Variants in ANKRD24 observed in about 807,000 individuals in gnomAD.
The protein encoded by ANKRD24 is ankyrin repeat domain-containing protein 24.
Under a neutral mutation model 127.8 loss-of-function variants are expected in ANKRD24, and 109 were observed. The ratio of observed to expected loss-of-function variants is 0.85; its 90% CI spans 0.73 to 1.00. ANKRD24 has a LOEUF of 1.00. ANKRD24 is among the 50% of genes least tolerant of loss of function. The pLI is 0.00. For missense variants in ANKRD24, 1,648 were observed against 1,570.2 expected (o/e 1.05, Z -0.84); for synonymous variants, 743 against 671.1 (o/e 1.11, Z -1.66).
In ANKRD24 at chr19:4,217,280, G is replaced by A. The variant is rs1453267466; in HGVS notation, c.2120G>A (p.Gly707Asp). The change falls in exon 18 of 22, where the codon GGC (glycine) becomes GAC (aspartate). Residue 707 changes from glycine (G) to aspartate (D), a missense_variant. Gly to Asp is a moderately conservative substitution (Grantham distance 94, BLOSUM62 -1). Transcript: ENST00000318934. ...VEATVPGISA[G>D]PILHPGAAEA... ...GCCACGGTCCCGGGGATCTCTGCTG[G>A]CCCCATCCTACATCCTGGTGCCGCA... 5 of 1,559,904 alleles carry A rather than the reference G, an allele frequency of 3.2e-6. No homozygotes were observed.
chr19:4,204,942 T>A (rs1055404364), intron 7 of ANKRD24, among the ~76,000 whole-genome samples: 7 of 151,912 alleles, frequency 4.6e-5, no homozygotes, highest in East Asian at 1.9e-4. Context: ...TCTCTACTAA[T>A]AATAAAAAAT....
chr19:4,195,175 C>T lies in ANKRD24; in HGVS notation c.37-4508C>T, dbSNP rs552034099. Among the ~76,000 whole-genome samples the T allele has an allele frequency of 9.4e-4, 142 of 151,684 alleles. No individual in the cohort carries two copies. The highest frequency in any genetic ancestry group is 6.8e-3 in the Middle Eastern group (2 of 294). The stretch of plus-strand genomic sequence containing the variant: ...GCAAGCTCCGCCTCCCGGGTGCACG[C>T]CATTCTCCTGCCTCAGTCTCCCGAG... On this transcript the variant is annotated intron_variant, in intron 2 of 21. Coordinates refer to ENST00000318934, the MANE Select transcript of ANKRD24 (RefSeq NM_001393985.1). The surrounding 1 kb of genome is among the most constrained non-coding windows in gnomAD (Gnocchi z 4.2).
rs1037414469 is a variant in ANKRD24 at position 4,208,931 on chromosome 19, C to T, written c.870+130C>T. 1.7e-5 allele frequency: 17 copies of T among 1,003,090 alleles called. 1 individual carries two copies. The South Asian group carries it at 2.7e-4, about 16-fold the overall frequency. The allele number at this position is 1,003,090 out of a possible 1,614,324, so 62.1% of individuals were successfully genotyped here. Reference sequence around the variant, plus strand: ...ACCTGTTTGGAAAGAATGCTACCTTCAGGGTATGCTGCCACCAAGTGGCGG... The same window carrying T: ...ACCTGTTTGGAAAGAATGCTACCTTTAGGGTATGCTGCCACCAAGTGGCGG... On this transcript the variant is annotated intron_variant, in intron 11 of 21. Coordinates refer to ENST00000318934, the MANE Select transcript of ANKRD24 (RefSeq NM_001393985.1).
chr19:4,193,297 C>CA (rs71166975), intron 2 of ANKRD24, among the ~76,000 whole-genome samples: 21,029 of 90,572 alleles, frequency 0.23, 3,000 homozygotes, highest in East Asian at 0.39. Context: ...GCGACTCCAT[C>CA]AAAAAAAAAA....
chr19:4,184,782 T>C (rs892252522), intron 1 of ANKRD24, among the ~76,000 whole-genome samples: 2 of 151,824 alleles, frequency 1.3e-5, no homozygotes, highest in African/African-American at 4.8e-5. Flanking sequence ...GATGGGTGGG[T>C]GGATGGATGG....
intron 2 of ANKRD24, among the ~76,000 whole-genome samples, chr19:4,187,417 A>G (rs1400939907): frequency 6.6e-6 from 1 of 151,178 alleles, no homozygotes; most frequent in Non-Finnish European, 1.5e-5. Flanking sequence ...CATCTCAAAA[A>G]AGAAAAAAAA....
chr19:4,198,544 G>A lies in ANKRD24; in HGVS notation c.37-1139G>A. The A allele has an allele frequency of 1.8e-6, 1 of 569,698 alleles. No homozygotes were observed. The allele number at this position is 569,698 out of a possible 1,614,324, so 35.3% of individuals were successfully genotyped here. A position where few individuals can be genotyped will look rare whatever the true frequency, so the allele number is the denominator to read the frequency against. ...CCGCCTCCTTCGCGGTAGGGCCCGG[G>A]GAGGGGGCGCAGGAGCGGGCGGGGC... On this transcript the variant is annotated intron_variant, in intron 2 of 21. Coordinates refer to ENST00000318934, the MANE Select transcript of ANKRD24 (RefSeq NM_001393985.1). This position sits in a 1 kb window ranked among gnomAD's most constrained non-coding sequence, Gnocchi z 6.1.
chr19:4,197,606 TGAAA>T (rs749239174), intron 2 of ANKRD24, among the ~76,000 whole-genome samples: 13 of 151,910 alleles, frequency 8.6e-5, no homozygotes, highest in African/African-American at 2.4e-4. Flanking sequence ...AATGAATGAA[TGAAA>T]GAGTGAGCAA....
At chr19:4,203,008 A>C in intron 7 of ANKRD24, 82 bp downstream of exon 7, 6 of 1,174,210 alleles carry the variant, frequency 5.1e-6, no homozygotes, top group Non-Finnish European at 7.0e-6. Context: ...GGCCCTAGGG[A>C]CCTGACCTGC....
chr19:4,220,757 A>G (rs900575107), intron 19 of ANKRD24, among the ~76,000 whole-genome samples: 3 of 151,692 alleles, frequency 2.0e-5, no homozygotes, highest in South Asian at 2.1e-4. Flanking sequence ...GGGTTTCACC[A>G]TGTTAGCTGG....
rs973366796 is a variant in ANKRD24, at chr19:4,218,033, G to A, written c.2873G>A (p.Arg958His). 10 of 1,559,380 alleles carry A rather than the reference G, an allele frequency of 6.4e-6. No individual in the cohort carries two copies. The highest frequency in any genetic ancestry group is 4.2e-5 in the African/African-American group (3 of 72,074). ...CTGCGCGCGGAGCTGGAGCGGGAGC[G>A]TGTGTGCAGCGTGGCGCTCTCGGAG... is the stretch of plus-strand genomic sequence containing the variant. ...ARLRAELERE[R>H]VCSVALSEHE... is the part of the protein sequence containing the mutation. Residue 958 changes from arginine to histidine, a missense_variant, in exon 18 of 22, where the codon CGT becomes CAT. Arg to His is a conservative substitution (Grantham distance 29). Coordinates refer to ENST00000318934, the MANE Select transcript of ANKRD24 (RefSeq NM_001393985.1).
Position 4,207,548 on chromosome 19 carries a change from C to G in ANKRD24, c.585C>G (p.Asp195Glu). The change falls in exon 9 of 22, where the codon GAC (aspartate) becomes GAG (glutamate). Residue 195 changes from aspartate (D) to glutamate (E), a missense_variant. By Grantham distance (45) the Asp-to-Glu change is conservative (BLOSUM62 2). Coordinates refer to ENST00000318934, the MANE Select transcript of ANKRD24 (RefSeq NM_001393985.1). ...TAGCAGCTCAGATGTGTCACACAGA[C>G]CTGTGCCGTCTCCTACTGCAGCAAG... The part of the protein sequence containing the change: ...LIIAAQMCHT[D>E]LCRLLLQQGA... The G allele has an allele frequency of 5.6e-6, 9 of 1,613,958 alleles. No homozygotes were observed. Among genetic ancestry groups the G allele is most frequent in the Non-Finnish European group, 7.6e-6 (9 of 1,179,894 alleles).
In ANKRD24 at chr19:4,210,330, G is replaced by C; in HGVS notation, c.1017G>C (p.Lys339Asn). The change falls in exon 13 of 22, where the codon AAG becomes AAC. Residue 339 changes from lysine to asparagine, a missense_variant. Transcript: ENST00000318934. ...AGGAGAGGGGCCGCCTCCTGCAGAA[G>C]ATCCGGGGCCTGGAACAGCACAAGG... The part of the protein sequence containing the change: ...LRQERGRLLQ[K>N]IRGLEQHKER... 1 of 1,578,138 alleles carries C rather than the reference G, an allele frequency of 6.3e-7. No homozygotes were observed. Among genetic ancestry groups the C allele is most frequent in the East Asian group, 2.3e-5 (1 of 43,030 alleles).
In ANKRD24 at chr19:4,212,686, G is replaced by C; in HGVS notation, c.1185G>C (p.Leu395=). 1 of 1,550,928 alleles carries C rather than the reference G, an allele frequency of 6.4e-7. No homozygotes were observed. The highest frequency in any genetic ancestry group is 8.7e-7 in the Non-Finnish European group (1 of 1,146,992). ...GREVESLQSR[L]SLLENERENT... ...AGGTGGAGAGTTTGCAGAGCCGGCTGTCCCTGCTGGAGGTAGGAGCAGTGA... is the reference window on the plus strand; with the variant it reads ...AGGTGGAGAGTTTGCAGAGCCGGCTCTCCCTGCTGGAGGTAGGAGCAGTGA... The change falls in exon 15 of 22, where the codon CTG becomes CTC. Residue 395 remains leucine, a synonymous_variant. Transcript: ENST00000318934.
At chr19:4,210,204 T>G in intron 12 of ANKRD24, 61 bp from the exon 13 acceptor site, 2 of 1,564,250 alleles carry the variant, frequency 1.3e-6, no homozygotes, top group South Asian at 2.3e-5. Context: ...GGGCTCTGGC[T>G]GAGACCTGGG....
chr19:4,192,703 G>A (rs1292291137), intron 2 of ANKRD24, among the ~76,000 whole-genome samples: 2 of 148,848 alleles, frequency 1.3e-5, no homozygotes, highest in South Asian at 2.1e-4. Flanking sequence ...GATCAAGATG[G>A]GAGGATCACT....
intron 2 of ANKRD24, among the ~76,000 whole-genome samples, chr19:4,190,165 G>A (rs1968302332): frequency 6.6e-6 from 1 of 152,184 alleles, no homozygotes. Context: ...GCTGGGCGTG[G>A]TGGCTCACAT....
At position 4,198,466 on chromosome 19, in the gene ANKRD24, G is replaced by C. The variant is rs74178438; in HGVS notation, c.37-1217G>C. On this transcript the variant is annotated intron_variant, in intron 2 of 21. Transcript: ENST00000318934. The surrounding 1 kb of genome is among the most constrained non-coding windows in gnomAD (Gnocchi z 6.1). ...GCCGCCTCCTCTTGGAACCCCGTGCGCCCCCCGCGCCCCGCGCCCCGGACG... is the reference window on the plus strand; with the variant it reads ...GCCGCCTCCTCTTGGAACCCCGTGCCCCCCCCGCGCCCCGCGCCCCGGACG... 3.3e-6 allele frequency: 2 copies of C among 612,886 alleles called. No individual in the cohort carries two copies. Among genetic ancestry groups the C allele is most frequent in the Non-Finnish European group, 2.9e-6 (1 of 340,714 alleles). 38.0% of individuals were successfully genotyped at this position (612,886 alleles called of 1,614,324 possible). A position where few individuals can be genotyped will look rare whatever the true frequency, so the allele number is the denominator to read the frequency against.
chr19:4,200,418 G>C (rs1433946058), intron 5 of ANKRD24, among the ~76,000 whole-genome samples: 4 of 152,186 alleles, frequency 2.6e-5, no homozygotes, highest in Non-Finnish European at 4.4e-5. Flanking sequence ...GAGTGACTAG[G>C]ATTCAGGTAT....
Sources: gnomAD v4.1 joint callset for allele counts (sites outside exome capture counted in the v4.1 genomes callset) on GRCh38, gnomAD v4.1.1 for gene constraint, Gnocchi (gnomAD v3.1) non-coding constraint, MANE v1.5 for transcripts, NCBI Gene and HGNC (gene_info 2026-07-23, HGNC 2026-07-21) for gene names.